The following AGBL1 variants were observed in gnomAD, a reference collection of about 807,000 sequenced individuals.
AGBL1 encodes AGBL carboxypeptidase 1, also known as cytosolic carboxypeptidase 4.
Under a neutral mutation model 118.9 loss-of-function variants are expected in AGBL1, and 130 were observed. The observed-to-expected ratio is 1.09, with a 90% CI of 0.95 to 1.26. AGBL1 has a LOEUF of 1.26. AGBL1 is among the 50% of genes most tolerant of loss of function. The pLI is 0.00. For synonymous variants in AGBL1, 555 were observed against 478.9 expected, an observed-to-expected ratio of 1.16 and a Z score of -2.08; for missense variants, 1,584 against 1,298.1, an observed-to-expected ratio of 1.22 and a Z score of -3.38.
At chr15:86,793,169 C>T (rs1310556196) in intron 22 of AGBL1, among the ~76,000 whole-genome samples, 1 of 152,166 alleles carries the variant, frequency 6.6e-6, no homozygotes, top group African/African-American at 2.4e-5. Context: ...CATAGACTAT[C>T]ATTCATCCAT....
chr15:86,528,520 G>A (rs1450895477), intron 19 of AGBL1, among the ~76,000 whole-genome samples: 2 of 150,260 alleles, frequency 1.3e-5, no homozygotes. Context: ...AGGTGGCAGC[G>A]AGGCTGGGGG....
intron 22 of AGBL1, among the ~76,000 whole-genome samples, chr15:86,715,265 T>G (rs2086620950): frequency 6.6e-6 from 1 of 152,188 alleles, no homozygotes; most frequent in Non-Finnish European, 1.5e-5. Flanking sequence ...TACCTGTTAT[T>G]GTTGCTGTTC....
At chr15:86,853,126 T>G (rs1041690856) in intron 22 of AGBL1, among the ~76,000 whole-genome samples, 2 of 152,156 alleles carry the variant, frequency 1.3e-5, no homozygotes, top group Non-Finnish European at 2.9e-5. Flanking sequence ...GCATCAGAAT[T>G]CTGACAACTC....
intron 15 of AGBL1, among the ~76,000 whole-genome samples, chr15:86,278,357 T>G (rs961205250): frequency 1.3e-4 from 20 of 152,210 alleles, no homozygotes; most frequent in African/African-American, 4.3e-4. Context: ...GATTGCCATG[T>G]TGGCAGAAGC....
intron 22 of AGBL1, among the ~76,000 whole-genome samples, chr15:86,706,815 C>T (rs958067087): frequency 6.6e-6 from 1 of 152,032 alleles, no homozygotes; most frequent in African/African-American, 2.4e-5. Context: ...AATTTAAATC[C>T]AGGCACTTGC....
chr15:86,981,061 A>T (rs1312388214), intron 23 of AGBL1, among the ~76,000 whole-genome samples: 1 of 151,752 alleles, frequency 6.6e-6, no homozygotes, highest in East Asian at 1.9e-4. Flanking sequence ...TAACTTTTGT[A>T]TTTTCAGTAG....
chr15:86,941,528 A>C (rs1018058901), intron 23 of AGBL1, among the ~76,000 whole-genome samples: 1 of 152,230 alleles, frequency 6.6e-6, no homozygotes, highest in African/African-American at 2.4e-5. Flanking sequence ...CCCAAAGCTG[A>C]GATCCAACCT....
intron 22 of AGBL1, among the ~76,000 whole-genome samples, chr15:86,724,702 A>G (rs543923608): frequency 2.0e-5 from 3 of 152,056 alleles, no homozygotes; most frequent in East Asian, 1.9e-4. Flanking sequence ...GCCTGGTGGG[A>G]GGTGTTGGGG....
At chr15:86,202,693 T>G (rs4887409) in intron 5 of AGBL1, among the ~76,000 whole-genome samples, 118,307 of 152,148 alleles carry the variant, frequency 0.78, 47,207 homozygotes, top group African/African-American at 0.94. Flanking sequence ...TTATTTCCTA[T>G]AATATTTCTG....
intron 19 of AGBL1, among the ~76,000 whole-genome samples, chr15:86,535,782 G>A (rs114986265): frequency 0.022 from 3,404 of 152,188 alleles, 67 homozygotes; most frequent in Middle Eastern, 0.075. Context: ...CACAAAAGGA[G>A]ATGAAAAAAA....
chr15:86,537,473 G>T (rs1301403659), intron 19 of AGBL1, among the ~76,000 whole-genome samples: 1 of 152,228 alleles, frequency 6.6e-6, no homozygotes, highest in Non-Finnish European at 1.5e-5. Flanking sequence ...AAAGGGAACA[G>T]ATTTAACTCT....
chr15:86,976,267 A>G (rs116959455), intron 23 of AGBL1, among the ~76,000 whole-genome samples: 391 of 150,956 alleles, frequency 2.6e-3, no homozygotes, highest in Non-Finnish European at 4.0e-3. Flanking sequence ...ATATATGTGA[A>G]TATGTATCCA....
At position 86,185,417 on chromosome 15, in the gene AGBL1, A is replaced by G. The variant is rs534250263; in HGVS notation, c.488+26391A>G. ...CATCCCATTACTGGATATATACCCA[A>G]AGGATTATAAATCATGCTGCTATAA... On this transcript the variant is annotated intron_variant, in intron 5 of 22. Transcript: ENST00000614907. 2.0e-3 allele frequency among the ~76,000 whole-genome samples: 301 copies of G among 152,324 alleles called. 1 individual carries two copies. Among genetic ancestry groups the G allele is most frequent in the South Asian group, 0.012 (59 of 4,816 alleles).
intron 22 of AGBL1, among the ~76,000 whole-genome samples, chr15:86,848,166 G>A (rs183733718): frequency 1.3e-5 from 2 of 152,260 alleles, no homozygotes; most frequent in East Asian, 3.9e-4. Context: ...GCTACCCACA[G>A]CAAGAATGCC....
chr15:86,752,492 G>A (rs767151722), intron 22 of AGBL1, among the ~76,000 whole-genome samples: 12 of 152,088 alleles, frequency 7.9e-5, no homozygotes, highest in Admixed American at 4.6e-4. Context: ...GTGATGTGGT[G>A]ATAGGAGATG....
chr15:86,478,454 G>C (rs1369215335), intron 18 of AGBL1, among the ~76,000 whole-genome samples: 1 of 151,988 alleles, frequency 6.6e-6, no homozygotes, highest in Non-Finnish European at 1.5e-5. Flanking sequence ...AAACGGAGAG[G>C]CAAATCATGA....
intron 18 of AGBL1, among the ~76,000 whole-genome samples, chr15:86,497,953 C>G (rs890275066): frequency 6.6e-6 from 1 of 151,842 alleles, no homozygotes; most frequent in Non-Finnish European, 1.5e-5. Flanking sequence ...TTCTTTGTGT[C>G]TGAAGATTTA....
chr15:86,822,940 T>C lies in AGBL1; in HGVS notation c.3159-84147T>C, dbSNP rs377569310. 4.5e-4 allele frequency among the ~76,000 whole-genome samples: 68 copies of C among 152,224 alleles called. No homozygotes were observed. In the East Asian group the frequency reaches 6.6e-3, roughly 15 times the overall value. On this transcript the variant is annotated intron_variant, in intron 22 of 22. Transcript: ENST00000614907. ...CTTACACAAGGAAGAGTAGATGATA[T>C]AGAAATCTTAGAGGCGTTCCTAATA...
At chr15:86,162,844 C>T (rs992646305) in intron 5 of AGBL1, among the ~76,000 whole-genome samples, 1 of 152,184 alleles carries the variant, frequency 6.6e-6, no homozygotes, top group African/African-American at 2.4e-5. Flanking sequence ...CTCTCCCTTC[C>T]TCTGGAATGC....
Sources: gnomAD v4.1 joint callset for allele counts (sites outside exome capture counted in the v4.1 genomes callset) on GRCh38, gnomAD v4.1.1 for gene constraint, MANE v1.5 for transcripts, NCBI Gene and HGNC (gene_info 2026-07-23, HGNC 2026-07-21) for gene names.